CAPNS1: variants seen among roughly 807,000 people sequenced by gnomAD.
The protein encoded by CAPNS1 is CANP small subunit.
CAPNS1 carries 32 observed loss-of-function variants against 39.2 expected under a neutral mutation model. The observed-to-expected ratio is 0.82, with a 90% CI of 0.62 to 1.10. CAPNS1 has a LOEUF of 1.10. Ranked by LOEUF, CAPNS1 falls within the 50% of genes least tolerant of loss-of-function variation. The pLI, the probability that CAPNS1 is intolerant of heterozygous loss-of-function variation, is 0.00. For synonymous variants in CAPNS1, 153 were observed against 136.2 expected, an observed-to-expected ratio of 1.12 and a Z score of -0.86; for missense variants, 353 against 373.1, an observed-to-expected ratio of 0.95 and a Z score of 0.44.
chr19:36,147,485 G>A (rs1167378309), intron 9 of CAPNS1, among the ~76,000 whole-genome samples: 11 of 151,852 alleles, frequency 7.2e-5, no homozygotes, highest in Admixed American at 6.6e-4. Flanking sequence ...CCTTGGCCTC[G>A]GCTGGGCACG....
chr19:36,148,479 T>C (rs1410350139), intron 9 of CAPNS1: 1 of 146,606 alleles, frequency 6.8e-6, no homozygotes, highest in East Asian at 2.0e-4. Flanking sequence ...ATCTTGCCAC[T>C]GGACTCCAGC....
intron 6 of CAPNS1, among the ~76,000 whole-genome samples, chr19:36,143,765 AAGC>A (rs1974463819): frequency 6.6e-6 from 1 of 151,038 alleles, no homozygotes; most frequent in Non-Finnish European, 1.5e-5. Flanking sequence ...CGGGAGGCTG[AAGC>A]AGGAGAATGG....
At position 36,141,192 on chromosome 19, in the gene CAPNS1, A is replaced by G; in HGVS notation, c.181A>G (p.Ile61Val). 1.4e-6 allele frequency: 2 copies of G among 1,462,216 alleles called. No individual in the cohort carries two copies. Among genetic ancestry groups the G allele is most frequent in the Non-Finnish European group, 1.8e-6 (2 of 1,113,432 alleles). 90.6% of individuals were successfully genotyped at this position (1,462,216 alleles called of 1,614,324 possible). A position where few individuals can be genotyped will look rare whatever the true frequency, so the allele number is the denominator to read the frequency against. Residue 61 changes from isoleucine to valine, a missense_variant, in exon 2 of 11, where the codon ATC (isoleucine) becomes GTC (valine). Coordinates refer to ENST00000246533, the MANE Select transcript of CAPNS1 (RefSeq NM_001749.4). ...GGGGGGTAMRILGGVISAISE... is the reference protein window; with the variant it reads ...GGGGGGTAMRVLGGVISAISE... Reference sequence around the variant, plus strand: ...CGGTGGCGGTGGAACGGCCATGCGCATCCTAGGCGGAGTCATCAGCGCCAT... The same window carrying G: ...CGGTGGCGGTGGAACGGCCATGCGCGTCCTAGGCGGAGTCATCAGCGCCAT...
chr19:36,141,119 CGGG>C lies in CAPNS1; in HGVS notation c.111_113del (p.Gly56del). ...TGCTTGGAGGCCTGATCAGCGGGGC[CGGG>C]GGCGGCGGCGGCGGCGGCGGCGGCG... On this transcript the variant is annotated inframe_deletion, in exon 2 of 11. Transcript: ENST00000246533. 2.9e-6 allele frequency: 4 copies of C among 1,365,000 alleles called. No homozygotes were observed. Among genetic ancestry groups the C allele is most frequent in the South Asian group, 1.7e-5 (1 of 57,600 alleles). The allele number at this position is 1,365,000 out of a possible 1,614,324, so 84.6% of individuals were successfully genotyped here.
chr19:36,146,700 T>C (rs1391940795), intron 9 of CAPNS1, among the ~76,000 whole-genome samples: 1 of 151,998 alleles, frequency 6.6e-6, no homozygotes, highest in Non-Finnish European at 1.5e-5. Flanking sequence ...GAGGGCTCAC[T>C]GGAGAGGGAA....
chr19:36,142,900 C>T lies in CAPNS1; in HGVS notation c.334-9C>T, dbSNP rs1014206376. 4 of 1,614,158 alleles carry T rather than the reference C, an allele frequency of 2.5e-6. No homozygotes were observed. The highest frequency in any genetic ancestry group is 1.3e-5 in the African/African-American group (1 of 75,044). ...TCACCCCTGACCTGCCCCTAACTTCCGCCCGCAGGACATGGAGGTCAGCGC... is the reference window on the plus strand; with the variant it reads ...TCACCCCTGACCTGCCCCTAACTTCTGCCCGCAGGACATGGAGGTCAGCGC... On this transcript the variant is annotated splice_polypyrimidine_tract_variant and intron_variant, in intron 4 of 10. Coordinates refer to ENST00000246533, the MANE Select transcript of CAPNS1 (RefSeq NM_001749.4).
In CAPNS1 at chr19:36,143,221, C is replaced by T. The variant is rs1027161925; in HGVS notation, c.456+93C>T. The stretch of plus-strand genomic sequence containing the variant: ...AGCCAACATGTAGCTTTCATATCCA[C>T]AGATGTGGAAATGCATTCATCAGAA... On this transcript the variant is annotated intron_variant, in intron 6 of 10. Coordinates refer to ENST00000246533, the MANE Select transcript of CAPNS1 (RefSeq NM_001749.4). The T allele has an allele frequency of 1.4e-5, 15 of 1,099,666 alleles. No homozygotes were observed. In the East Asian group the frequency reaches 1.6e-4, roughly 12 times the overall value. The allele number at this position is 1,099,666 out of a possible 1,614,324, so 68.1% of individuals were successfully genotyped here.
intron 9 of CAPNS1, 61 bp downstream of exon 9, chr19:36,146,373 T>C: frequency 9.2e-6 from 10 of 1,083,252 alleles, no homozygotes; most frequent in Non-Finnish European, 1.4e-5. Context: ...TGGACCAAGG[T>C]CTCCTCTAAG....
intron 9 of CAPNS1, among the ~76,000 whole-genome samples, chr19:36,146,666 C>T (rs1974578903): frequency 6.6e-6 from 1 of 152,098 alleles, no homozygotes; most frequent in Non-Finnish European, 1.5e-5. Flanking sequence ...CCAGGAGGAA[C>T]CTGATGCAGC....
chr19:36,146,855 T>A (rs1974586204), intron 9 of CAPNS1, among the ~76,000 whole-genome samples: 1 of 152,154 alleles, frequency 6.6e-6, no homozygotes, highest in Non-Finnish European at 1.5e-5. Flanking sequence ...TTCTTTCTAT[T>A]TTTTTGAGAC....
Position 36,142,353 on chromosome 19 carries a change from A to G in CAPNS1, c.243+20A>G. 1 of 1,324,676 alleles carries G rather than the reference A, an allele frequency of 7.5e-7. No individual in the cohort carries two copies. The highest frequency in any genetic ancestry group is 1.0e-6 in the Non-Finnish European group (1 of 980,940). The allele number at this position is 1,324,676 out of a possible 1,614,324, so 82.1% of individuals were successfully genotyped here. Reference sequence around the variant, plus strand: ...CCCCCGGTAAGCCCCCTCTGCAACCAGACCCCCTTCTCCTGCCAAGGCCTC... The same window carrying G: ...CCCCCGGTAAGCCCCCTCTGCAACCGGACCCCCTTCTCCTGCCAAGGCCTC... On this transcript the variant is annotated intron_variant, in intron 3 of 10. Transcript: ENST00000246533.
chr19:36,148,821 A>G (rs1444605002), intron 9 of CAPNS1, among the ~76,000 whole-genome samples: 1 of 152,112 alleles, frequency 6.6e-6, no homozygotes, highest in Admixed American at 6.6e-5. Flanking sequence ...TCAAAAAAAA[A>G]AAGAAAGAAA....
rs913673073 is a variant in CAPNS1 at position 36,146,040 on chromosome 19, C to A, written c.590C>A (p.Ala197Asp). Residue 197 changes from alanine to aspartate, a missense_variant, in exon 8 of 11, where the codon GCC becomes GAC. Ala to Asp is a moderately radical substitution (Grantham distance 126, BLOSUM62 -2). Transcript: ENST00000246533. ...ATTTGCAGTAGTGAACTCCCAGGTG[C>A]CTTTGAGGCAGCAGGTATGGCTGGC... ...GTICSSELPG[A>D]FEAAGFHLNE... The A allele has an allele frequency of 1.9e-6, 3 of 1,614,026 alleles. No individual in the cohort carries two copies. The highest frequency in any genetic ancestry group is 2.5e-6 in the Non-Finnish European group (3 of 1,180,002).
At chr19:36,144,205 A>T (rs1248533254) in intron 6 of CAPNS1, 2 of 151,806 alleles carry the variant, frequency 1.3e-5, no homozygotes, top group Non-Finnish European at 2.9e-5. Flanking sequence ...AAAAAAAGAA[A>T]AATAACAATA....
chr19:36,146,484 C>T lies in CAPNS1; in HGVS notation c.721+172C>T, dbSNP rs17887098. On this transcript the variant is annotated intron_variant, in intron 9 of 10. Coordinates refer to ENST00000246533, the MANE Select transcript of CAPNS1 (RefSeq NM_001749.4). ...ACAGTCTGGTGGAGGAGACACAAGT[C>T]CCCAGACAGTGACAGTTCAGACTGG... 9.8e-3 allele frequency among the ~76,000 whole-genome samples: 1,493 copies of T among 152,292 alleles called. 12 individuals are homozygous for T. The highest frequency in any genetic ancestry group is 0.016 in the Non-Finnish European group (1,119 of 68,032).
At chr19:36,141,497 T>C (rs953911304) in intron 2 of CAPNS1, 3 of 1,236,338 alleles carry the variant, frequency 2.4e-6, no homozygotes, top group Non-Finnish European at 3.0e-6. Flanking sequence ...TGATGTGGAG[T>C]TTTGGCGGGT....
intron 9 of CAPNS1, among the ~76,000 whole-genome samples, chr19:36,146,831 T>C (rs1011984769): frequency 1.1e-4 from 17 of 152,016 alleles, no homozygotes; most frequent in African/African-American, 3.9e-4. Flanking sequence ...TCTGATGCTT[T>C]TTGTTAGATT....
rs929357895 is a variant in CAPNS1, at chr19:36,146,114, A to G, written c.604+60A>G. 1.4e-5 allele frequency: 23 copies of G among 1,594,316 alleles called. 1 individual carries two copies. The South Asian group carries it at 2.4e-4, about 17-fold the overall frequency. On this transcript the variant is annotated intron_variant, in intron 8 of 10. Transcript: ENST00000246533. ...GGGATGGGTGAGAAAACCTCTACTC[A>G]GCTGGTCTGGGCCTGACTCCTGGGC...
At chr19:36,146,376 C>T in intron 9 of CAPNS1, 64 bp downstream of exon 9, 1 of 1,036,696 alleles carries the variant, frequency 9.6e-7, no homozygotes, top group Non-Finnish European at 1.5e-6. Flanking sequence ...ACCAAGGTCT[C>T]CTCTAAGCCT....
Sources: gnomAD v4.1 joint callset for allele counts (sites outside exome capture counted in the v4.1 genomes callset) on GRCh38, gnomAD v4.1.1 for gene constraint, MANE v1.5 for transcripts, NCBI Gene and HGNC (gene_info 2026-07-23, HGNC 2026-07-21) for gene names.